Variants in STK33 observed in about 807,000 individuals in gnomAD.
STK33 encodes serine/threonine kinase 33, also known as serine/threonine-protein kinase 33.
In STK33, 52 loss-of-function variants were observed where a neutral mutation model predicts 58.0. The observed-to-expected ratio is 0.90, with a 90% confidence interval of 0.72 to 1.13. The LOEUF is 1.13. STK33 is among the 50% of genes most tolerant of loss of function. STK33 has a pLI of 0.00. For missense variants in STK33, 630 were observed against 604.2 expected, an observed-to-expected ratio of 1.04 and a Z score of -0.45; for synonymous variants, 215 against 200.1, an observed-to-expected ratio of 1.07 and a Z score of -0.63.
intron 11 of STK33, among the ~76,000 whole-genome samples, chr11:8,442,393 C>T (rs556160324): frequency 1.3e-5 from 2 of 152,300 alleles, no homozygotes; most frequent in Admixed American, 1.3e-4. Context: ...GTGCAGCACA[C>T]AGCAGGGGAC....
chr11:8,392,438 C>T lies in STK33; in HGVS notation c.*72G>A, dbSNP rs1002964561. On this transcript the variant is annotated 3_prime_UTR_variant, in exon 16 of 16. Transcript: ENST00000687296. ...AGCTCAGCATAGGGCTGTCTTCTTC[C>T]CCTCCTACCCCCTCATCAAAGTGCT... The T allele has an allele frequency of 3.2e-6, 5 of 1,565,800 alleles. No homozygotes were observed. The Admixed American group carries it at 5.2e-5, about 16-fold the overall frequency.
chr11:8,398,764 A>G (rs1849829851), intron 15 of STK33, among the ~76,000 whole-genome samples: 1 of 148,518 alleles, frequency 6.7e-6, no homozygotes, highest in Non-Finnish European at 1.5e-5. Context: ...GGGATGGAGG[A>G]AGATCTACCA....
At chr11:8,411,518 G>T (rs1331415524) in intron 15 of STK33, among the ~76,000 whole-genome samples, 1 of 152,184 alleles carries the variant, frequency 6.6e-6, no homozygotes, top group Non-Finnish European at 1.5e-5. Context: ...TTTTCCAAGA[G>T]CTCTGCCATT....
intron 11 of STK33, among the ~76,000 whole-genome samples, chr11:8,448,235 C>A (rs995301608): frequency 1.1e-4 from 17 of 152,080 alleles, no homozygotes; most frequent in Non-Finnish European, 2.4e-4. Flanking sequence ...TCAATGCCAT[C>A]CCCATCAAGC....
At chr11:8,538,350 T>A (rs1955224342) in intron 1 of STK33, among the ~76,000 whole-genome samples, 2 of 152,212 alleles carry the variant, frequency 1.3e-5, no homozygotes, top group African/African-American at 2.4e-5. Flanking sequence ...AAACTGAGGT[T>A]AAGTAATTTG....
At chr11:8,481,889 C>CT (rs1453297045) in intron 1 of STK33, among the ~76,000 whole-genome samples, 1 of 152,168 alleles carries the variant, frequency 6.6e-6, no homozygotes, top group African/African-American at 2.4e-5. Flanking sequence ...CATCTATAGG[C>CT]ATTGGTCATA....
chr11:8,489,160 G>C (rs1432573831), intron 1 of STK33, among the ~76,000 whole-genome samples: 1 of 151,460 alleles, frequency 6.6e-6, no homozygotes, highest in Admixed American at 6.6e-5. Context: ...GGGAGACTAA[G>C]GTGGGAGGAT....
At chr11:8,539,575 C>A (rs567385424) in intron 1 of STK33, among the ~76,000 whole-genome samples, 64 of 152,292 alleles carry the variant, frequency 4.2e-4, no homozygotes, top group African/African-American at 1.5e-3. Flanking sequence ...CCCTAAAATA[C>A]CAACACCAAT....
the STK33 span, among the ~76,000 whole-genome samples, chr11:8,374,709 T>C: frequency 2.0e-5 from 3 of 152,164 alleles, no homozygotes; most frequent in Admixed American, 6.5e-5. Context: ...CTTTACACAA[T>C]AATTTGGAGG....
At chr11:8,552,669 T>G (rs1200433576) in intron 1 of STK33, among the ~76,000 whole-genome samples, 3 of 152,128 alleles carry the variant, frequency 2.0e-5, no homozygotes. Flanking sequence ...ATAAGGATCA[T>G]CAATATCACT....
chr11:8,574,767 G>A (rs556235431), intron 1 of STK33, among the ~76,000 whole-genome samples: 156 of 152,160 alleles, frequency 1.0e-3, no homozygotes, highest in African/African-American at 3.7e-3. Flanking sequence ...GGCTAGGCAT[G>A]GTGGCTCATG....
chr11:8,464,828 G>GAAAAA lies in STK33; in HGVS notation c.340-11_340-7dup. On this transcript the variant is annotated splice_region_variant and splice_polypyrimidine_tract_variant and intron_variant, in intron 6 of 15. Coordinates refer to ENST00000687296, the MANE Select transcript of STK33 (RefSeq NM_001352389.2). ...CTTCCAAAGGTATAGATTTCCTGGAGAAAAAAAAAAAAAGAGTTGTCTCTC... is the reference window on the plus strand; with the variant it reads ...CTTCCAAAGGTATAGATTTCCTGGAGAAAAAAAAAAAAAAAAAAGAGTTGTCTCTC... 2 of 1,143,842 alleles carry GAAAAA rather than the reference G, an allele frequency of 1.7e-6. No homozygotes were observed. Among genetic ancestry groups the GAAAAA allele is most frequent in the South Asian group, 1.5e-5 (1 of 67,722 alleles). 70.9% of individuals were successfully genotyped at this position (1,143,842 alleles called of 1,614,324 possible). A position where few individuals can be genotyped will look rare whatever the true frequency, so the allele number is the denominator to read the frequency against.
At chr11:8,441,993 A>G (rs1487192134) in intron 11 of STK33, among the ~76,000 whole-genome samples, 2 of 150,856 alleles carry the variant, frequency 1.3e-5, no homozygotes, top group East Asian at 3.9e-4. Flanking sequence ...TTATTTTAGA[A>G]AAGTTTCAAT....
chr11:8,439,869 T>TTATATATATATATTATATA (rs1944513320), intron 12 of STK33, among the ~76,000 whole-genome samples: 1 of 107,258 alleles, frequency 9.3e-6, no homozygotes, highest in South Asian at 3.6e-4. Context: ...TATATTATAA[T>TTATATATATATATTATATA]TATATATATA....
chr11:8,354,584 G>A, the STK33 span, among the ~76,000 whole-genome samples: 4 of 151,746 alleles, frequency 2.6e-5, no homozygotes, highest in South Asian at 8.3e-4. Flanking sequence ...AGCAACTGGG[G>A]AGGTGACTTG....
chr11:8,435,447 G>T, intron 14 of STK33, 47 bp downstream of exon 14: 2 of 1,007,756 alleles, frequency 2.0e-6, no homozygotes, highest in South Asian at 5.5e-5. Flanking sequence ...AAAAAGAAAT[G>T]AGCAATGGTA....
chr11:8,494,818 A>G (rs1950922076), intron 1 of STK33, among the ~76,000 whole-genome samples: 1 of 152,226 alleles, frequency 6.6e-6, no homozygotes, highest in South Asian at 2.1e-4. Flanking sequence ...GATCTTTGAC[A>G]AACCTGACAA....
intron 1 of STK33, among the ~76,000 whole-genome samples, chr11:8,526,599 G>A (rs1954046418): frequency 6.6e-6 from 1 of 151,930 alleles, no homozygotes; most frequent in Admixed American, 6.6e-5. Context: ...TAAAAACCTG[G>A]AGACAACCCA....
At chr11:8,499,316 A>C (rs1951322663) in intron 1 of STK33, among the ~76,000 whole-genome samples, 1 of 152,188 alleles carries the variant, frequency 6.6e-6, no homozygotes, top group Non-Finnish European at 1.5e-5. Context: ...AACAAACATG[A>C]AAAAATCTCA....
Sources: gnomAD v4.1 joint callset for allele counts (sites outside exome capture counted in the v4.1 genomes callset) on GRCh38, gnomAD v4.1.1 for gene constraint, MANE v1.5 for transcripts, NCBI Gene and HGNC (gene_info 2026-07-23, HGNC 2026-07-21) for gene names.